PTPRD: variants seen among roughly 807,000 people sequenced by gnomAD.
PTPRD encodes protein tyrosine phosphatase receptor type D, also known as receptor-type tyrosine-protein phosphatase delta.
In PTPRD, 34 loss-of-function variants were observed where a neutral mutation model predicts 214.5. That is an observed-to-expected ratio of 0.16 (90% CI 0.12 to 0.21). The LOEUF (loss-of-function observed/expected upper bound fraction) is 0.21. PTPRD is among the 10% of genes least tolerant of loss of function. The probability of loss-of-function intolerance (pLI) is 1.00; values close to 1 mark genes in which losing one functional copy is unlikely to be tolerated. For synonymous variants in PTPRD, 1,128 were observed against 845.7 expected (o/e 1.33, Z -5.79); for missense variants, 2,545 against 2,398.7 (o/e 1.06, Z -1.27).
intron 6 of PTPRD, among the ~76,000 whole-genome samples, chr9:9,746,009 G>T (rs546539445): frequency 6.6e-6 from 1 of 152,152 alleles, no homozygotes; most frequent in Admixed American, 6.5e-5. Context: ...AATTAACTTT[G>T]CAAATGAAAT....
chr9:9,014,946 A>G (rs918754497), intron 11 of PTPRD, among the ~76,000 whole-genome samples: 4 of 152,140 alleles, frequency 2.6e-5, no homozygotes, highest in Non-Finnish European at 5.9e-5. Context: ...ACATGTATTT[A>G]TAAGTGTGTG....
At chr9:10,499,400 C>A (rs1293453932) in intron 2 of PTPRD, among the ~76,000 whole-genome samples, 2 of 151,870 alleles carry the variant, frequency 1.3e-5, no homozygotes, top group African/African-American at 4.8e-5. Flanking sequence ...TATATTCAAC[C>A]TGCCACCATC....
rs2134140503 is a variant in PTPRD at position 8,460,446 on chromosome 9, G to C, written c.3840C>G (p.Ile1280Met). ...VVGPVLAVVF[I>M]ICIVIAILLY... The stretch of plus-strand genomic sequence containing the variant: ...GAAGAATAGCAATGACAATGCAGAT[G>C]ATAAAGACCACTGCAAGGACAGGAC... Residue 1280 changes from isoleucine (I) to methionine (M), a missense_variant, in exon 33 of 46, where the codon ATC becomes ATG. By Grantham distance (10) the Ile-to-Met change is conservative. Transcript: ENST00000381196. 6.2e-7 allele frequency: 1 copy of C among 1,613,378 alleles called. No individual in the cohort carries two copies. Among genetic ancestry groups the C allele is most frequent in the Non-Finnish European group, 8.5e-7 (1 of 1,179,582 alleles).
intron 3 of PTPRD, among the ~76,000 whole-genome samples, chr9:10,210,226 C>T (rs1375889016): frequency 6.6e-6 from 1 of 152,038 alleles, no homozygotes; most frequent in Non-Finnish European, 1.5e-5. Context: ...TCACCAATTA[C>T]ATTTAAGAGA....
intron 3 of PTPRD, among the ~76,000 whole-genome samples, chr9:10,297,722 G>C (rs555939227): frequency 5.9e-5 from 9 of 152,046 alleles, no homozygotes; most frequent in African/African-American, 1.9e-4. Flanking sequence ...TCTTGGCTCT[G>C]TACTAAAAGT....
intron 3 of PTPRD, among the ~76,000 whole-genome samples, chr9:10,237,736 C>T (rs1228817630): frequency 6.6e-6 from 1 of 151,774 alleles, no homozygotes; most frequent in Non-Finnish European, 1.5e-5. Flanking sequence ...AAACAAAATC[C>T]AGAAGATAGT....
intron 31 of PTPRD, 31 bp downstream of exon 31, chr9:8,470,964 T>A (rs1199774889): frequency 6.3e-7 from 1 of 1,579,632 alleles, no homozygotes; most frequent in Non-Finnish European, 8.7e-7. Flanking sequence ...AAATAACGAA[T>A]AAAAGACATG....
chr9:8,628,373 T>C (rs2096122191), intron 14 of PTPRD, among the ~76,000 whole-genome samples: 1 of 151,894 alleles, frequency 6.6e-6, no homozygotes, highest in South Asian at 2.1e-4. Flanking sequence ...GCTTACATTT[T>C]TTGAAACAGA....
At chr9:10,462,298 C>G (rs1316105955) in intron 2 of PTPRD, among the ~76,000 whole-genome samples, 6 of 152,076 alleles carry the variant, frequency 3.9e-5, no homozygotes, top group East Asian at 1.9e-4. Context: ...TGGTCATTTC[C>G]TTTTTATTTG....
intron 12 of PTPRD, among the ~76,000 whole-genome samples, chr9:8,696,008 T>C (rs944562982): frequency 7.2e-5 from 11 of 152,214 alleles, no homozygotes; most frequent in Admixed American, 3.9e-4. Flanking sequence ...AGGATTTCTA[T>C]TTGATTGCTC....
At position 10,459,446 on chromosome 9, in the gene PTPRD, A is replaced by C. The variant is rs201868298; in HGVS notation, c.-599-118429T>G. ...TGGGATTGCTGGGTCAAATGGTATTACTGGTTCTAGATCCTTGAGGAATCA... is the reference window on the plus strand; with the variant it reads ...TGGGATTGCTGGGTCAAATGGTATTCCTGGTTCTAGATCCTTGAGGAATCA... On this transcript the variant is annotated intron_variant, in intron 2 of 45. Coordinates refer to ENST00000381196, the MANE Select transcript of PTPRD (RefSeq NM_002839.4). 2.0e-5 allele frequency among the ~76,000 whole-genome samples: 3 copies of C among 152,214 alleles called. No homozygotes were observed. In the East Asian group the frequency reaches 5.8e-4, roughly 29 times the overall value.
At chr9:10,246,542 C>G (rs2092139738) in intron 3 of PTPRD, among the ~76,000 whole-genome samples, 1 of 152,102 alleles carries the variant, frequency 6.6e-6, no homozygotes, top group African/African-American at 2.4e-5. Context: ...CGCACCTGGC[C>G]AAGATACATG....
intron 2 of PTPRD, among the ~76,000 whole-genome samples, chr9:10,531,455 G>T (rs1018265381): frequency 6.6e-6 from 1 of 152,138 alleles, no homozygotes; most frequent in Admixed American, 6.6e-5. Context: ...CATTAAAATA[G>T]ATGGGAGCCT....
chr9:8,696,459 A>G (rs2097912688), intron 12 of PTPRD, among the ~76,000 whole-genome samples: 1 of 152,210 alleles, frequency 6.6e-6, no homozygotes, highest in Non-Finnish European at 1.5e-5. Context: ...GTGGGGGGAC[A>G]AGTAATCACT....
intron 5 of PTPRD, among the ~76,000 whole-genome samples, chr9:9,845,653 C>G (rs912314572): frequency 3.3e-5 from 5 of 151,798 alleles, no homozygotes; most frequent in Admixed American, 1.3e-4. Context: ...TGAGGCAGGT[C>G]TAAACAATAA....
intron 2 of PTPRD, among the ~76,000 whole-genome samples, chr9:10,491,160 A>C (rs927444070): frequency 6.6e-6 from 1 of 152,230 alleles, no homozygotes; most frequent in Non-Finnish European, 1.5e-5. Context: ...TTGATAAATG[A>C]ATACATGAAT....
intron 11 of PTPRD, among the ~76,000 whole-genome samples, chr9:8,858,846 CACAG>C (rs2098027972): frequency 6.6e-6 from 1 of 151,116 alleles, no homozygotes; most frequent in African/African-American, 2.5e-5. Context: ...CACACAGACA[CACAG>C]ACACACACAC....
At chr9:10,584,182 CA>C (rs5896405) in intron 2 of PTPRD, among the ~76,000 whole-genome samples, 21,258 of 124,022 alleles carry the variant, frequency 0.17, 2,069 homozygotes, top group East Asian at 0.55. Context: ...ATGACAATTA[CA>C]AAAAAAAAAA....
At chr9:8,430,360 C>A (rs1460851174) in intron 35 of PTPRD, among the ~76,000 whole-genome samples, 1 of 151,860 alleles carries the variant, frequency 6.6e-6, no homozygotes, top group Non-Finnish European at 1.5e-5. Flanking sequence ...GACTCAACCC[C>A]TTGGGGGTCA....
Sources: gnomAD v4.1 joint callset for allele counts (sites outside exome capture counted in the v4.1 genomes callset) on GRCh38, gnomAD v4.1.1 for gene constraint, MANE v1.5 for transcripts, NCBI Gene and HGNC (gene_info 2026-07-23, HGNC 2026-07-21) for gene names.